Variants in DPPA2 observed in about 807,000 individuals in gnomAD.
DPPA2 encodes the protein developmental pluripotency associated 2.
A neutral mutation model predicts 36.2 loss-of-function variants in DPPA2; 26 were observed. The observed-to-expected ratio is 0.72, with a 90% CI of 0.53 to 1.00. The LOEUF (loss-of-function observed/expected upper bound fraction) is 1.00, where lower values mean the gene tolerates loss of function less well. Ranked by LOEUF, DPPA2 falls within the 50% of genes least tolerant of loss-of-function variation. The probability of loss-of-function intolerance (pLI) is 0.00; values close to 1 mark genes in which losing one functional copy is unlikely to be tolerated. For synonymous variants in DPPA2, 113 were observed against 123.2 expected (o/e 0.92, Z 0.55); for missense variants, 361 against 365.1 (o/e 0.99, Z 0.09).
chr3:109,303,495 G>A (rs1284297699), intron 7 of DPPA2, among the ~76,000 whole-genome samples: 1 of 151,418 alleles, frequency 6.6e-6, no homozygotes, highest in Non-Finnish European at 1.5e-5. Flanking sequence ...TCAGTCTCCC[G>A]AGTAGCTGGG....
chr3:109,302,207 A>G (rs1025758786), intron 7 of DPPA2, among the ~76,000 whole-genome samples: 4 of 152,182 alleles, frequency 2.6e-5, no homozygotes, highest in African/African-American at 9.7e-5. Flanking sequence ...ACTCCCAAAG[A>G]TGTTTAGCTC....
intron 1 of DPPA2, 114 bp from the exon 2 acceptor site, chr3:109,314,669 T>G: frequency 1.5e-5 from 14 of 946,130 alleles, no homozygotes; most frequent in African/African-American, 3.3e-5. Flanking sequence ...AGATGAGCTC[T>G]TGTTTTCCTT....
intron 1 of DPPA2, among the ~76,000 whole-genome samples, chr3:109,314,907 AAC>A (rs773513610): frequency 1.3e-5 from 2 of 152,146 alleles, no homozygotes; most frequent in Non-Finnish European, 2.9e-5. Context: ...TCTACAAAAA[AAC>A]ACAAAAATTA....
rs1337082448 is a variant in DPPA2 at position 109,299,794 on chromosome 3, T to G, written c.*22+577A>C. Among the ~76,000 whole-genome samples the G allele has an allele frequency of 3.5e-5, 5 of 143,452 alleles. No individual in the cohort carries two copies. In the East Asian group the frequency reaches 8.3e-4, roughly 24 times the overall value. 94.1% of individuals were successfully genotyped at this position (143,452 alleles called of 152,430 possible). Reference sequence around the variant, plus strand: ...AGAGACTATGTTGCCCAGGCTGGAGTGCAGTGGCAATTCACAGGTGTGATC... The same window carrying G: ...AGAGACTATGTTGCCCAGGCTGGAGGGCAGTGGCAATTCACAGGTGTGATC... On this transcript the variant is annotated intron_variant, in intron 8 of 8. Transcript: ENST00000478945.
At chr3:109,305,565 A>C (rs1254870650) in intron 6 of DPPA2, among the ~76,000 whole-genome samples, 4 of 152,074 alleles carry the variant, frequency 2.6e-5, no homozygotes, top group Non-Finnish European at 4.4e-5. Flanking sequence ...ACCTGAGGTC[A>C]GGAGTTCGAG....
At chr3:109,301,761 CAGAG>C (rs1242036487) in intron 7 of DPPA2, among the ~76,000 whole-genome samples, 1 of 152,072 alleles carries the variant, frequency 6.6e-6, no homozygotes, top group Non-Finnish European at 1.5e-5. Context: ...AAGAAAAAGA[CAGAG>C]AGAGACGAAA....
At chr3:109,304,391 G>A in intron 7 of DPPA2, 84 bp downstream of exon 7, 1 of 1,385,426 alleles carries the variant, frequency 7.2e-7, no homozygotes, top group Non-Finnish European at 9.7e-7. Flanking sequence ...TTCGCCCTCT[G>A]CTTTCTACTG....
chr3:109,314,442 TAAGG>T, intron 2 of DPPA2, 64 bp downstream of exon 2: 19 of 1,531,640 alleles, frequency 1.2e-5, no homozygotes, highest in Non-Finnish European at 1.7e-5. Context: ...AAGAGAAACA[TAAGG>T]GAGACCTAGA....
intron 8 of DPPA2, chr3:109,295,244 G>C (rs1310719830): frequency 6.6e-6 from 1 of 151,504 alleles, no homozygotes. Flanking sequence ...TATTGGCCAG[G>C]TGTGGTGGCT....
At chr3:109,294,752 G>A (rs984546196) in intron 8 of DPPA2, among the ~76,000 whole-genome samples, 26 of 152,276 alleles carry the variant, frequency 1.7e-4, no homozygotes, top group African/African-American at 6.0e-4. Context: ...AGCTGGGCGC[G>A]GCGGCTCATG....
At chr3:109,299,989 G>A (rs1487576274) in intron 8 of DPPA2, among the ~76,000 whole-genome samples, 1 of 152,166 alleles carries the variant, frequency 6.6e-6, no homozygotes, top group Non-Finnish European at 1.5e-5. Context: ...TGGAGGGGGT[G>A]TGAAGCACCG....
At chr3:109,300,910 T>G (rs1169005860) in intron 7 of DPPA2, among the ~76,000 whole-genome samples, 2 of 151,324 alleles carry the variant, frequency 1.3e-5, no homozygotes, top group East Asian at 1.9e-4. Flanking sequence ...AAAGACTTTA[T>G]GTACTAAATA....
intron 8 of DPPA2, among the ~76,000 whole-genome samples, chr3:109,294,424 T>C (rs950568606): frequency 1.4e-4 from 22 of 152,236 alleles, no homozygotes; most frequent in Non-Finnish European, 2.8e-4. Flanking sequence ...TTCTGTTCTA[T>C]TCTCCGTGTA....
intron 3 of DPPA2, among the ~76,000 whole-genome samples, chr3:109,310,644 T>C: frequency 6.6e-6 from 1 of 151,456 alleles, no homozygotes; most frequent in Non-Finnish European, 1.5e-5. Flanking sequence ...TAGGTGGGAC[T>C]ACAGGCACGC....
rs766861128 is a variant in DPPA2 at position 109,314,516 on chromosome 3, G to T, written c.27C>A (p.Ser9Arg). The T allele has an allele frequency of 1.2e-6, 2 of 1,610,422 alleles. No individual in the cohort carries two copies. The change falls in exon 2 of 9, where the codon AGC becomes AGA. Residue 9 changes from serine to arginine, a missense_variant. Transcript: ENST00000478945. The part of the protein sequence containing the change: MSDANLDS[S>R]KKNFLEGEVD... ...CTATTAGAATGAAACTTACCTTCTT[G>T]CTGCTATCCAAATTTGCATCTGACA...
At chr3:109,302,580 A>G (rs769516851) in intron 7 of DPPA2, among the ~76,000 whole-genome samples, 43 of 151,982 alleles carry the variant, frequency 2.8e-4, no homozygotes, top group Non-Finnish European at 5.6e-4. Context: ...CAGCCTCCCA[A>G]GTAGCTGGGA....
At chr3:109,298,000 T>G (rs1189876002) in intron 8 of DPPA2, among the ~76,000 whole-genome samples, 1 of 151,810 alleles carries the variant, frequency 6.6e-6, no homozygotes, top group Non-Finnish European at 1.5e-5. Context: ...AGTCCCAGTG[T>G]CTCAGAAGGC....
chr3:109,298,109 T>C (rs1392602218), intron 8 of DPPA2, among the ~76,000 whole-genome samples: 1 of 151,984 alleles, frequency 6.6e-6, no homozygotes, highest in Non-Finnish European at 1.5e-5. Flanking sequence ...AAAAGATCTA[T>C]GGTTTCCAGT....
chr3:109,304,822 T>A, intron 6 of DPPA2, 152 bp from the exon 7 acceptor site: 2 of 780,572 alleles, frequency 2.6e-6, no homozygotes, highest in Non-Finnish European at 4.0e-6. Flanking sequence ...CACTATGATC[T>A]AATTTCACAA....
Sources: gnomAD v4.1 joint callset for allele counts (sites outside exome capture counted in the v4.1 genomes callset) on GRCh38, gnomAD v4.1.1 for gene constraint, MANE v1.5 for transcripts, NCBI Gene and HGNC (gene_info 2026-07-23, HGNC 2026-07-21) for gene names.